The following MERTK variants were observed in gnomAD, a reference collection of about 807,000 sequenced individuals.
MERTK encodes MER proto-oncogene, tyrosine kinase.
MERTK carries 69 observed loss-of-function variants against 99.3 expected under a neutral mutation model. The observed-to-expected ratio is 0.70, with a 90% CI of 0.57 to 0.85. MERTK has a LOEUF of 0.85. Among genes scored for constraint, MERTK ranks in the 40% least tolerant of loss-of-function variants. The pLI, the probability that MERTK is intolerant of heterozygous loss-of-function variation, is 0.00. For missense variants in MERTK, 1,125 were observed against 1,249.4 expected (o/e 0.90, Z 1.50); for synonymous variants, 426 against 467.6 (o/e 0.91, Z 1.15).
chr2:111,981,311 A>C (rs1180965484), intron 7 of MERTK, among the ~76,000 whole-genome samples: 1 of 152,186 alleles, frequency 6.6e-6, no homozygotes, highest in Non-Finnish European at 1.5e-5. Context: ...TACTTTTTAC[A>C]ATCTGATTTT....
intron 9 of MERTK, chr2:111,996,193 A>G (rs1161113286): frequency 1.9e-5 from 2 of 104,260 alleles, no homozygotes; most frequent in African/African-American, 7.8e-5. Flanking sequence ...ACAAATTTCA[A>G]TTACCACAGT....
Position 111,934,418 on chromosome 2 carries a change from A to G in MERTK, c.482+4878A>G, listed in dbSNP as rs902693347. Among the ~76,000 whole-genome samples the G allele has an allele frequency of 1.6e-4, 24 of 152,268 alleles. 1 individual carries two copies. The highest frequency in any genetic ancestry group is 5.1e-4 in the African/African-American group (21 of 41,532). ...TGACTTTTTAATGATTGCCATTTAA[A>G]CTGGTGTGAGATGGTATCTCATTGT... On this transcript the variant is annotated intron_variant, in intron 2 of 18. Coordinates refer to ENST00000295408, the MANE Select transcript of MERTK (RefSeq NM_006343.3).
chr2:111,963,400 G>T (rs181094147), intron 4 of MERTK, among the ~76,000 whole-genome samples: 1 of 152,242 alleles, frequency 6.6e-6, no homozygotes, highest in East Asian at 1.9e-4. Context: ...TACGGGTGTC[G>T]GGCTGGGGGA....
intron 7 of MERTK, among the ~76,000 whole-genome samples, chr2:111,982,031 A>G (rs1676383335): frequency 6.8e-6 from 1 of 146,802 alleles, no homozygotes; most frequent in South Asian, 2.2e-4. Context: ...CTTCTTTGCT[A>G]TTTTACTTTA....
At chr2:112,019,633 C>T (rs141122041) in intron 16 of MERTK, 111 bp downstream of exon 16, 31 of 840,436 alleles carry the variant, frequency 3.7e-5, no homozygotes, top group African/African-American at 6.7e-5. Context: ...CTGCAGTCAG[C>T]GGGGGATGGT....
chr2:111,938,085 T>C (rs1684795448), intron 2 of MERTK, among the ~76,000 whole-genome samples: 1 of 152,136 alleles, frequency 6.6e-6, no homozygotes, highest in Admixed American at 6.6e-5. Context: ...TTTATTTATT[T>C]ATTTTTCTTG....
intron 4 of MERTK, among the ~76,000 whole-genome samples, chr2:111,949,464 C>T (rs1192466503): frequency 6.6e-6 from 1 of 152,106 alleles, no homozygotes; most frequent in East Asian, 1.9e-4. Flanking sequence ...GGTTTTCTCT[C>T]CTTCATCTGA....
chr2:111,929,852 A>G (rs987365522), intron 2 of MERTK, among the ~76,000 whole-genome samples: 2 of 151,334 alleles, frequency 1.3e-5, no homozygotes, highest in African/African-American at 4.9e-5. Flanking sequence ...CCGGCCACCT[A>G]GGCCTCCCAA....
chr2:111,981,674 C>CA (rs1306933800), intron 7 of MERTK, among the ~76,000 whole-genome samples: 1 of 151,996 alleles, frequency 6.6e-6, no homozygotes, highest in Non-Finnish European at 1.5e-5. Flanking sequence ...TATTCTCTCC[C>CA]AAAAAAGACT....
In MERTK at chr2:111,982,867, C is replaced by T. The variant is rs1676399984; in HGVS notation, c.1170C>T (p.Val390=). ...EGAPSVAPLN[V]TVFLNESSDN... is the part of the protein sequence containing the mutation. ...CCCCATCAGTAGCACCTTTAAATGT[C>T]ACTGTGTTTCTGAATGAATCTAGTG... Residue 390 remains valine (V), a synonymous_variant, in exon 8 of 19, where the codon GTC becomes GTT. Coordinates refer to ENST00000295408, the MANE Select transcript of MERTK (RefSeq NM_006343.3). 3.1e-6 allele frequency: 5 copies of T among 1,614,030 alleles called. No individual in the cohort carries two copies. The highest frequency in any genetic ancestry group is 4.2e-6 in the Non-Finnish European group (5 of 1,179,970).
intron 8 of MERTK, among the ~76,000 whole-genome samples, chr2:111,988,689 T>G (rs1326968302): frequency 6.6e-6 from 1 of 152,258 alleles, no homozygotes; most frequent in Non-Finnish European, 1.5e-5. Flanking sequence ...CTCACGCCTA[T>G]AATCTCAGCA....
At chr2:111,973,349 A>C (rs574651997) in intron 6 of MERTK, among the ~76,000 whole-genome samples, 3 of 152,196 alleles carry the variant, frequency 2.0e-5, no homozygotes, top group African/African-American at 7.2e-5. Flanking sequence ...ATGTCTGCCA[A>C]CAGCCACCAC....
At chr2:111,903,937 G>A (rs1182350774) in intron 1 of MERTK, among the ~76,000 whole-genome samples, 2 of 152,190 alleles carry the variant, frequency 1.3e-5, no homozygotes. Context: ...AAAAGGTGTT[G>A]GGAGGAGGGT....
chr2:111,899,828 T>A (rs1343323671), intron 1 of MERTK, among the ~76,000 whole-genome samples: 2 of 152,020 alleles, frequency 1.3e-5, no homozygotes, highest in Non-Finnish European at 2.9e-5. Context: ...TTCCAGGCAT[T>A]TTAATACAAG....
chr2:111,983,076 G>T, intron 8 of MERTK, 83 bp downstream of exon 8: 1 of 1,541,174 alleles, frequency 6.5e-7, no homozygotes, highest in Non-Finnish European at 8.9e-7. Flanking sequence ...CTTTCATTTG[G>T]TTTTGAAAAG....
At chr2:111,946,475 A>G (rs1477246179) in intron 3 of MERTK, among the ~76,000 whole-genome samples, 2 of 152,150 alleles carry the variant, frequency 1.3e-5, no homozygotes, top group Non-Finnish European at 2.9e-5. Flanking sequence ...CCTGCCCCAA[A>G]TGAGTACTGA....
chr2:112,022,511 C>G (rs763547659), intron 18 of MERTK, 117 bp downstream of exon 18: 84 of 1,496,150 alleles, frequency 5.6e-5, no homozygotes, highest in Non-Finnish European at 7.7e-5. Context: ...GCCAGGTGGG[C>G]ATGTGCAGAG....
intron 8 of MERTK, among the ~76,000 whole-genome samples, chr2:111,983,636 T>C (rs1676416282): frequency 6.6e-6 from 1 of 152,214 alleles, no homozygotes; most frequent in Non-Finnish European, 1.5e-5. Flanking sequence ...CCAAGTCCCA[T>C]TGGGCAATGT....
chr2:111,940,986 G>T, intron 2 of MERTK: 1 of 595,092 alleles, frequency 1.7e-6, no homozygotes, highest in South Asian at 1.5e-5. Context: ...CTTTGCAGTT[G>T]AAACCGGCGG....
Sources: allele counts gnomAD v4.1 joint callset (sites outside exome capture counted in the v4.1 genomes callset), GRCh38; gene constraint gnomAD v4.1.1; transcripts MANE v1.5; gene names NCBI Gene and HGNC (gene_info 2026-07-23, HGNC 2026-07-21).